The following SAR1A variants were observed in gnomAD, a reference collection of about 807,000 sequenced individuals.
SAR1A encodes the protein secretion associated Ras related GTPase 1A.
A neutral mutation model predicts 22.6 loss-of-function variants in SAR1A; 6 were observed. The observed-to-expected ratio is 0.27, with a 90% CI of 0.15 to 0.52. The LOEUF is 0.52. Among genes scored for constraint, SAR1A ranks in the 20% least tolerant of loss-of-function variants. The pLI is 0.96. For missense variants in SAR1A, 145 were observed against 245.1 expected (o/e 0.59, Z 2.73); for synonymous variants, 70 against 82.2 (o/e 0.85, Z 0.80).
Position 70,170,442 on chromosome 10 carries a change from G to A in SAR1A, c.-46C>T, listed in dbSNP as rs1038181528. The A allele has an allele frequency of 2.0e-5, 3 of 151,940 alleles. No individual in the cohort carries two copies. Among genetic ancestry groups the A allele is most frequent in the East Asian group, 1.9e-4 (1 of 5,158 alleles). 9.4% of individuals were successfully genotyped at this position (151,940 alleles called of 1,614,324 possible). ...TGAGGGGCTCCTCCGGCAAAACAGCGGCTGGCTCGGACCCTCCCTCAGAGC... is the reference window on the plus strand; with the variant it reads ...TGAGGGGCTCCTCCGGCAAAACAGCAGCTGGCTCGGACCCTCCCTCAGAGC... On this transcript the variant is annotated 5_prime_UTR_variant, in exon 1 of 7. Transcript: ENST00000373241.
intron 5 of SAR1A, chr10:70,157,562 A>G (rs748826251): frequency 1.9e-6 from 1 of 522,922 alleles, no homozygotes; most frequent in Non-Finnish European, 3.4e-6. Flanking sequence ...TAATTTATTT[A>G]AGTTTGAGCT....
intron 4 of SAR1A, among the ~76,000 whole-genome samples, chr10:70,159,187 C>T (rs1338744174): frequency 1.3e-5 from 2 of 152,170 alleles, no homozygotes; most frequent in Admixed American, 1.3e-4. Flanking sequence ...TATCAAAACA[C>T]ACCCCTTGTC....
chr10:70,155,098 A>C (rs1425257576), intron 5 of SAR1A: 1 of 528,202 alleles, frequency 1.9e-6, no homozygotes. Flanking sequence ...ATTAGGGGCC[A>C]GTGTGAGAAG....
rs1017519397 is a variant in SAR1A, at chr10:70,150,778, C to G, written c.*1698G>C. ...GCTATGTTTGCTAATAAACGAAATG[C>G]ATGCACTTCCCACATATATACTTCA... On this transcript the variant is annotated 3_prime_UTR_variant, in exon 7 of 7. Coordinates refer to ENST00000373241, the MANE Select transcript of SAR1A (RefSeq NM_020150.5). 1.2e-4 allele frequency: 18 copies of G among 152,464 alleles called. No homozygotes were observed. Among genetic ancestry groups the G allele is most frequent in the African/African-American group, 4.1e-4 (17 of 41,444 alleles). The allele number at this position is 152,464 out of a possible 1,614,324, so 9.4% of individuals were successfully genotyped here.
rs1014903663 is a variant in SAR1A at position 70,149,718 on chromosome 10, T to G, written c.*2758A>C. The G allele has an allele frequency of 7.9e-5, 12 of 151,908 alleles. No individual in the cohort carries two copies. The highest frequency in any genetic ancestry group is 2.9e-4 in the African/African-American group (12 of 41,376). 9.4% of individuals were successfully genotyped at this position (151,908 alleles called of 1,614,324 possible). A position where few individuals can be genotyped will look rare whatever the true frequency, so the allele number is the denominator to read the frequency against. On this transcript the variant is annotated 3_prime_UTR_variant, in exon 7 of 7. Coordinates refer to ENST00000373241, the MANE Select transcript of SAR1A (RefSeq NM_020150.5). Reference sequence around the variant, plus strand: ...TACTCCATGTACCACAATGCCCAGCTAATTTTTTTGTATTTTAGTAGTGAT... The same window carrying G: ...TACTCCATGTACCACAATGCCCAGCGAATTTTTTTGTATTTTAGTAGTGAT...
chr10:70,155,822 G>C (rs1228772026), intron 5 of SAR1A, among the ~76,000 whole-genome samples: 1 of 152,208 alleles, frequency 6.6e-6, no homozygotes, highest in African/African-American at 2.4e-5. Context: ...GGATGGCTAA[G>C]TTGTTTGTTT....
chr10:70,159,441 C>T (rs1249457445), intron 4 of SAR1A, among the ~76,000 whole-genome samples: 1 of 152,124 alleles, frequency 6.6e-6, no homozygotes, highest in Non-Finnish European at 1.5e-5. Context: ...CGCCCATAAT[C>T]CCAGCACTTT....
intron 5 of SAR1A, 31 bp from the exon 6 acceptor site, chr10:70,154,000 A>G (rs777257454): frequency 4.6e-6 from 7 of 1,521,096 alleles, no homozygotes; most frequent in Non-Finnish European, 6.2e-6. Context: ...AAAAAAGAAA[A>G]AAAAGAATTA....
At position 70,148,768 on chromosome 10, in the gene SAR1A, C is replaced by T. The variant is rs895623859; in HGVS notation, c.*3708G>A. On this transcript the variant is annotated 3_prime_UTR_variant, in exon 7 of 7. Transcript: ENST00000373241. ...TCATACCACTGCACTCCAGCCTGGG[C>T]GACAGAGTGAGACCAACTCAAAAAA... is the stretch of plus-strand genomic sequence containing the variant. The T allele has an allele frequency of 2.0e-5, 3 of 152,632 alleles. No individual in the cohort carries two copies. Among genetic ancestry groups the T allele is most frequent in the South Asian group, 2.1e-4 (1 of 4,810 alleles). The allele number at this position is 152,632 out of a possible 1,614,324, so 9.5% of individuals were successfully genotyped here. A position where few individuals can be genotyped will look rare whatever the true frequency, so the allele number is the denominator to read the frequency against.
chr10:70,166,763 A>C (rs1839557199), intron 1 of SAR1A: 1 of 148,378 alleles, frequency 6.7e-6, no homozygotes, highest in Admixed American at 6.8e-5. Context: ...GAGGTGGGGG[A>C]TTCCTCCCTG....
chr10:70,152,116 C>T lies in SAR1A; in HGVS notation c.*360G>A, dbSNP rs1839333066. On this transcript the variant is annotated 3_prime_UTR_variant, in exon 7 of 7. Coordinates refer to ENST00000373241, the MANE Select transcript of SAR1A (RefSeq NM_020150.5). ...AAAAAGTTAGGAGGGATACCAATTA[C>T]ATTAACAACGCTTTCTTTAAAAAAT... is the stretch of plus-strand genomic sequence containing the variant. 7.3e-6 allele frequency: 2 copies of T among 272,668 alleles called. No individual in the cohort carries two copies. Among genetic ancestry groups the T allele is most frequent in the African/African-American group, 4.4e-5 (2 of 45,252 alleles). 16.9% of individuals were successfully genotyped at this position (272,668 alleles called of 1,614,324 possible).
At position 70,152,427 on chromosome 10, in the gene SAR1A, T is replaced by C. The variant is rs1839336832; in HGVS notation, c.*49A>G. The C allele has an allele frequency of 2.2e-6, 3 of 1,366,878 alleles. No individual in the cohort carries two copies. The highest frequency in any genetic ancestry group is 3.4e-5 in the Admixed American group (2 of 59,542). 84.7% of individuals were successfully genotyped at this position (1,366,878 alleles called of 1,614,324 possible). Reference sequence around the variant, plus strand: ...GAAAAGTTCATGAGGAAGCTGTGAATAGGATCAGTCCAGAGAAGTAAAACT... The same window carrying C: ...GAAAAGTTCATGAGGAAGCTGTGAACAGGATCAGTCCAGAGAAGTAAAACT... On this transcript the variant is annotated 3_prime_UTR_variant, in exon 7 of 7. Transcript: ENST00000373241.
intron 5 of SAR1A, among the ~76,000 whole-genome samples, chr10:70,156,518 A>C (rs1419871578): frequency 1.3e-5 from 2 of 152,100 alleles, no homozygotes; most frequent in African/African-American, 4.8e-5. Flanking sequence ...CTTTTTTAAA[A>C]AAAATTAGCT....
chr10:70,163,587 A>C, intron 1 of SAR1A: 395 of 561,374 alleles, frequency 7.0e-4, no homozygotes, highest in East Asian at 2.0e-3. Flanking sequence ...TGAAAATCCT[A>C]GGGCCCTGAA....
intron 1 of SAR1A, among the ~76,000 whole-genome samples, chr10:70,168,447 TA>T (rs1167133396): frequency 1.3e-5 from 2 of 151,892 alleles, no homozygotes; most frequent in African/African-American, 4.8e-5. Flanking sequence ...ATACAAAAAT[TA>T]GCTAGGCATG....
Position 70,160,990 on chromosome 10 carries a change from G to A in SAR1A, c.244+14C>T. ...TAAGTCAATAAACATGCTTTCCACT[G>A]AGTCATCACTTACCTTGCTCGTGCC... On this transcript the variant is annotated intron_variant, in intron 4 of 6. Transcript: ENST00000373241. 1 of 1,602,194 alleles carries A rather than the reference G, an allele frequency of 6.2e-7. No homozygotes were observed. The highest frequency in any genetic ancestry group is 8.5e-7 in the Non-Finnish European group (1 of 1,172,042).
rs1839288018 is a variant in SAR1A at position 70,148,392 on chromosome 10, T to C, written c.*4084A>G. 6.6e-6 allele frequency: 1 copy of C among 152,116 alleles called. No homozygotes were observed. The allele number at this position is 152,116 out of a possible 1,614,324, so 9.4% of individuals were successfully genotyped here. On this transcript the variant is annotated 3_prime_UTR_variant, in exon 7 of 7. Coordinates refer to ENST00000373241, the MANE Select transcript of SAR1A (RefSeq NM_020150.5). The stretch of plus-strand genomic sequence containing the variant: ...TGATAGTATGAGGCAGGAATAAAAT[T>C]AGGCCATCTTGCCATAGCAGGCGGT...
At position 70,147,870 on chromosome 10, in the gene SAR1A, AT is replaced by A. The variant is rs1161082358; in HGVS notation, c.*4605del. On this transcript the variant is annotated 3_prime_UTR_variant, in exon 7 of 7. Coordinates refer to ENST00000373241, the MANE Select transcript of SAR1A (RefSeq NM_020150.5). ...TCACTGAATTGATAAAATACACATT[AT>A]TTTTTATTTATTTATTTATTTTTTT... The A allele has an allele frequency of 1.3e-5, 2 of 152,158 alleles. No individual in the cohort carries two copies. The highest frequency in any genetic ancestry group is 2.9e-5 in the Non-Finnish European group (2 of 68,046). 9.4% of individuals were successfully genotyped at this position (152,158 alleles called of 1,614,324 possible).
At chr10:70,160,863 C>A in intron 4 of SAR1A, 141 bp downstream of exon 4, 2 of 583,108 alleles carry the variant, frequency 3.4e-6, no homozygotes, top group Non-Finnish European at 3.0e-6. Flanking sequence ...ATGAATAAAA[C>A]AACTTCACTA....
Sources: gnomAD v4.1 joint callset for allele counts (sites outside exome capture counted in the v4.1 genomes callset) on GRCh38, gnomAD v4.1.1 for gene constraint, MANE v1.5 for transcripts, NCBI Gene and HGNC (gene_info 2026-07-23, HGNC 2026-07-21) for gene names.